CBLN4: variants seen among roughly 807,000 people sequenced by gnomAD.
The protein encoded by CBLN4 is cerebellin-4.
In CBLN4, 7 loss-of-function variants were observed where a neutral mutation model predicts 14.9. The observed-to-expected ratio is 0.47, with a 90% CI of 0.27 to 0.88. The LOEUF (loss-of-function observed/expected upper bound fraction) is 0.88. Among genes scored for constraint, CBLN4 ranks in the 40% least tolerant of loss-of-function variants. CBLN4 has a pLI of 0.14. For synonymous variants in CBLN4, 131 were observed against 116.5 expected, an observed-to-expected ratio of 1.12 and a Z score of -0.80; for missense variants, 188 against 256.8, an observed-to-expected ratio of 0.73 and a Z score of 1.83.
At chr20:56,000,381 GT>G (rs1333574810) in intron 2 of CBLN4, among the ~76,000 whole-genome samples, 10 of 152,126 alleles carry the variant, frequency 6.6e-5, no homozygotes, top group African/African-American at 2.2e-4. Flanking sequence ...AGTCTTACAA[GT>G]TTTTTTCTTA....
chr20:56,000,743 G>C lies in CBLN4; in HGVS notation c.396C>G (p.Ser132Arg). The C allele has an allele frequency of 6.3e-7, 1 of 1,586,002 alleles. No individual in the cohort carries two copies. The highest frequency in any genetic ancestry group is 8.6e-7 in the Non-Finnish European group (1 of 1,163,698). Residue 132 changes from serine (S) to arginine (R), a missense_variant, in exon 2 of 3, where the codon AGC becomes AGG. Around this residue, in one of 2 missense-constraint regions of CBLN4, gnomAD observed 93 missense variants for 157.7 expected, o/e 0.59. Transcript: ENST00000064571. ...FSFHVIKVYQSQTIQVNLMLN... is the reference protein window; with the variant it reads ...FSFHVIKVYQRQTIQVNLMLN... ...TCAAAACACACACCTGGATAGTTTG[G>C]CTCTGGTAGACTTTAATCACGTGAA...
Position 56,003,999 on chromosome 20 carries a change from G to T in CBLN4, c.173C>A (p.Ser58Tyr). The change falls in exon 1 of 3, where the codon TCC becomes TAC. Residue 58 changes from serine (S) to tyrosine (Y), a missense_variant. Ser to Tyr is a moderately radical substitution (Grantham distance 144). Coordinates refer to ENST00000064571, the MANE Select transcript of CBLN4 (RefSeq NM_080617.6). ...PATDSKGSSS[S>Y]PLGISVRAAN... Reference sequence around the variant, plus strand: ...CGCCCGGACCGATATCCCCAGCGGGGAGGAAGAGGAGCCCTTGGAGTCCGT... The same window carrying T: ...CGCCCGGACCGATATCCCCAGCGGGTAGGAAGAGGAGCCCTTGGAGTCCGT... 1 of 1,614,088 alleles carries T rather than the reference G, an allele frequency of 6.2e-7. No individual in the cohort carries two copies. The highest frequency in any genetic ancestry group is 8.5e-7 in the Non-Finnish European group (1 of 1,180,002).
chr20:55,999,197 C>T (rs564676288), intron 2 of CBLN4, among the ~76,000 whole-genome samples: 3 of 152,280 alleles, frequency 2.0e-5, no homozygotes, highest in Admixed American at 6.5e-5. Flanking sequence ...AACATCCTTG[C>T]GAATTTTTGT....
In CBLN4 at chr20:56,004,376, C is replaced by T; in HGVS notation, c.-205G>A. On this transcript the variant is annotated 5_prime_UTR_variant, in exon 1 of 3. Coordinates refer to ENST00000064571, the MANE Select transcript of CBLN4 (RefSeq NM_080617.6). This position sits in a 1 kb window ranked among gnomAD's most constrained non-coding sequence, Gnocchi z 6.1. ...TCGAGCTCTCTCGCTGGCTCTGTTA[C>T]CTTTGTCCTTTAAGGAGCTCATGCA... The T allele has an allele frequency of 1.9e-6, 1 of 513,262 alleles. No homozygotes were observed. The highest frequency in any genetic ancestry group is 3.3e-6 in the Non-Finnish European group (1 of 301,064). The allele number at this position is 513,262 out of a possible 1,614,324, so 31.8% of individuals were successfully genotyped here.
rs182529702 is a variant in CBLN4 at position 56,004,451 on chromosome 20, C to G, written c.-280G>C. ...GCCCAAGAATCAGCCCTGCCTGGGGCCCCTGCACCCACTCTGGTTCCTAGA... is the reference window on the plus strand; with the variant it reads ...GCCCAAGAATCAGCCCTGCCTGGGGGCCCTGCACCCACTCTGGTTCCTAGA... On this transcript the variant is annotated 5_prime_UTR_variant, in exon 1 of 3. Coordinates refer to ENST00000064571, the MANE Select transcript of CBLN4 (RefSeq NM_080617.6). This position sits in a 1 kb window ranked among gnomAD's most constrained non-coding sequence, Gnocchi z 6.1. The G allele has an allele frequency of 7.8e-6, 3 of 383,646 alleles. No individual in the cohort carries two copies. The highest frequency in any genetic ancestry group is 9.2e-6 in the Non-Finnish European group (2 of 217,938). The allele number at this position is 383,646 out of a possible 1,614,324, so 23.8% of individuals were successfully genotyped here.
At chr20:56,001,536 G>C (rs1259559204) in intron 1 of CBLN4, among the ~76,000 whole-genome samples, 1 of 151,996 alleles carries the variant, frequency 6.6e-6, no homozygotes, top group Non-Finnish European at 1.5e-5. Context: ...TGCCAGCTAG[G>C]CCTTAATTAT....
intron 2 of CBLN4, 75 bp downstream of exon 2, chr20:56,000,656 G>T: frequency 1.7e-6 from 1 of 588,802 alleles, no homozygotes; most frequent in Non-Finnish European, 2.8e-6. Flanking sequence ...CTTTGGATAA[G>T]TACTTAAATA....
Position 55,998,619 on chromosome 20 carries a change from C to G in CBLN4, c.544G>C (p.Gly182Arg). The change falls in exon 3 of 3, where the codon GGT becomes CGT. Residue 182 changes from glycine to arginine, a missense_variant. By Grantham distance (125) the Gly-to-Arg change is moderately radical. Transcript: ENST00000064571. Reference protein sequence around the residue: ...EDKVYLKLEKGNLVGGWQYST... With the variant: ...EDKVYLKLEKRNLVGGWQYST... ...TACTGCCAGCCTCCAACCAAATTAC[C>G]TTTCTCCAGTTTTAGGTAAACCTTA... is the stretch of plus-strand genomic sequence containing the variant. The G allele has an allele frequency of 6.2e-7, 1 of 1,614,118 alleles. No individual in the cohort carries two copies. The highest frequency in any genetic ancestry group is 8.5e-7 in the Non-Finnish European group (1 of 1,179,990).
chr20:56,004,114 G>T lies in CBLN4; in HGVS notation c.58C>A (p.Leu20Met). Residue 20 changes from leucine to methionine, a missense_variant, in exon 1 of 3, where the codon CTG (leucine) becomes ATG (methionine). By Grantham distance (15) the Leu-to-Met change is conservative. Around this residue, in one of 2 missense-constraint regions of CBLN4, gnomAD observed 95 missense variants for 99.2 expected, o/e 0.96. Coordinates refer to ENST00000064571, the MANE Select transcript of CBLN4 (RefSeq NM_080617.6). The surrounding 1 kb of genome is among the most constrained non-coding windows in gnomAD (Gnocchi z 6.1). Reference protein sequence around the residue: ...AVPAVLLVLTLPGLPVWAQND... With the variant: ...AVPAVLLVLTMPGLPVWAQND... ...TGTGCCCAGACGGGCAGCCCCGGCA[G>T]CGTGAGGACCAGCAGCACGGCCGGC... 1 of 1,603,246 alleles carries T rather than the reference G, an allele frequency of 6.2e-7. No individual in the cohort carries two copies.
rs139996794 is a variant in CBLN4, at chr20:56,003,974, C to T, written c.198G>A (p.Ala66=). Residue 66 remains alanine (A), a synonymous_variant, in exon 1 of 3, where the codon GCG becomes GCA. Transcript: ENST00000064571. Reference sequence around the variant, plus strand: ...CCGAGAAGGCGACCTTGGAGTTGGCCGCCCGGACCGATATCCCCAGCGGGG... The same window carrying T: ...CCGAGAAGGCGACCTTGGAGTTGGCTGCCCGGACCGATATCCCCAGCGGGG... ...SSSPLGISVR[A]ANSKVAFSAV... The T allele has an allele frequency of 8.7e-6, 14 of 1,613,994 alleles. No individual in the cohort carries two copies. The African/African-American group carries it at 1.5e-4, about 17-fold the overall frequency.
intron 1 of CBLN4, among the ~76,000 whole-genome samples, chr20:56,001,927 T>C (rs1986380875): frequency 6.6e-6 from 1 of 152,258 alleles, no homozygotes; most frequent in Non-Finnish European, 1.5e-5. Flanking sequence ...TTCCAAGAAA[T>C]ACACCTGTAA....
In CBLN4 at chr20:56,004,456, G is replaced by A; in HGVS notation, c.-285C>T. On this transcript the variant is annotated 5_prime_UTR_variant, in exon 1 of 3. Coordinates refer to ENST00000064571, the MANE Select transcript of CBLN4 (RefSeq NM_080617.6). The surrounding 1 kb of genome is among the most constrained non-coding windows in gnomAD (Gnocchi z 6.1). ...AGAATCAGCCCTGCCTGGGGCCCCT[G>A]CACCCACTCTGGTTCCTAGACATCT... 1 of 378,228 alleles carries A rather than the reference G, an allele frequency of 2.6e-6. No homozygotes were observed. The allele number at this position is 378,228 out of a possible 1,614,324, so 23.4% of individuals were successfully genotyped here.
At chr20:56,002,877 A>G (rs572188444) in intron 1 of CBLN4, among the ~76,000 whole-genome samples, 2 of 152,336 alleles carry the variant, frequency 1.3e-5, no homozygotes, top group South Asian at 4.1e-4. Context: ...TGCCCCCTGC[A>G]CATTGCAGCT....
rs942411969 is a variant in CBLN4 at position 56,003,765 on chromosome 20, G to A, written c.291+116C>T. On this transcript the variant is annotated intron_variant, in intron 1 of 2. Transcript: ENST00000064571. ...CCCAGGCATATTTGGGAAGGCGAGT[G>A]CTTTACATGATTCCCCATTTCCCAA... is the stretch of plus-strand genomic sequence containing the variant. 5.5e-6 allele frequency: 6 copies of A among 1,085,158 alleles called. No individual in the cohort carries two copies. The African/African-American group carries it at 6.4e-5, about 12-fold the overall frequency. 67.2% of individuals were successfully genotyped at this position (1,085,158 alleles called of 1,614,324 possible).
At chr20:56,000,119 A>C (rs1269335917) in intron 2 of CBLN4, among the ~76,000 whole-genome samples, 1 of 152,228 alleles carries the variant, frequency 6.6e-6, no homozygotes, top group Admixed American at 6.5e-5. Context: ...TTTTGAATGT[A>C]AGGTCAAGCC....
Position 55,998,538 on chromosome 20 carries a change from A to G in CBLN4, c.*19T>C, listed in dbSNP as rs1215558993. On this transcript the variant is annotated 3_prime_UTR_variant, in exon 3 of 3. Coordinates refer to ENST00000064571, the MANE Select transcript of CBLN4 (RefSeq NM_080617.6). The stretch of plus-strand genomic sequence containing the variant: ...TGGGTCATCCCTCACCTGGATGAAC[A>G]TCATGGAGAAATTGAATCCTATAGG... 2 of 1,613,888 alleles carry G rather than the reference A, an allele frequency of 1.2e-6. No homozygotes were observed. The highest frequency in any genetic ancestry group is 1.7e-6 in the Non-Finnish European group (2 of 1,179,892).
Position 55,997,429 on chromosome 20 carries a change from A to C in CBLN4, c.*1128T>G, listed in dbSNP as rs1226021828. 1 of 152,608 alleles carries C rather than the reference A, an allele frequency of 6.6e-6. No homozygotes were observed. The highest frequency in any genetic ancestry group is 1.9e-4 in the East Asian group (1 of 5,204). The allele number at this position is 152,608 out of a possible 1,614,324, so 9.5% of individuals were successfully genotyped here. ...CATATTTCCAAAACGGAAAGAAAAA[A>C]ACAATTCAACTAACATATATTAATC... On this transcript the variant is annotated 3_prime_UTR_variant, in exon 3 of 3. Coordinates refer to ENST00000064571, the MANE Select transcript of CBLN4 (RefSeq NM_080617.6).
chr20:56,005,015 G>T lies in CBLN4; in HGVS notation c.-844C>A, dbSNP rs1001878923. 2 of 152,352 alleles carry T rather than the reference G, an allele frequency of 1.3e-5. No homozygotes were observed. Among genetic ancestry groups the T allele is most frequent in the African/African-American group, 4.8e-5 (2 of 41,474 alleles). The allele number at this position is 152,352 out of a possible 1,614,324, so 9.4% of individuals were successfully genotyped here. ...GCACACGCGCTCTATTTATAGGAGC[G>T]CAGCGTCCGGCTGGGTTGGCTTATC... On this transcript the variant is annotated 5_prime_UTR_variant, in exon 1 of 3. Coordinates refer to ENST00000064571, the MANE Select transcript of CBLN4 (RefSeq NM_080617.6).
At chr20:56,001,884 G>C (rs533885366) in intron 1 of CBLN4, among the ~76,000 whole-genome samples, 1 of 152,134 alleles carries the variant, frequency 6.6e-6, no homozygotes, top group Non-Finnish European at 1.5e-5. Context: ...ATGGAGGATG[G>C]ATGTTAAAAT....
Sources: allele counts gnomAD v4.1 joint callset (sites outside exome capture counted in the v4.1 genomes callset), GRCh38; gene constraint gnomAD v4.1.1; regional missense constraint gnomAD v4.1.1; non-coding constraint Gnocchi (gnomAD v3.1); transcripts MANE v1.5; gene names NCBI Gene and HGNC (gene_info 2026-07-23, HGNC 2026-07-21).